The following DMD variants were observed in gnomAD, a reference collection of about 807,000 sequenced individuals.
DMD encodes mutant dystrophin.
DMD carries 63 observed loss-of-function variants against 330.1 expected under a neutral mutation model. That is an observed-to-expected ratio of 0.19 (90% CI 0.16 to 0.24). The LOEUF is 0.24. Ranked by LOEUF, DMD falls within the 10% of genes least tolerant of loss-of-function variation. The pLI is 1.00. For missense variants in DMD, 3,344 were observed against 2,684.1 expected (o/e 1.25, Z -5.43); for synonymous variants, 1,223 against 959.8 (o/e 1.27, Z -5.07).
intron 1 of DMD, among the ~76,000 whole-genome samples, chrX:33,309,930 T>A: frequency 9.0e-6 from 1 of 111,396 alleles, no homozygotes; most frequent in Non-Finnish European, 1.9e-5. Context: ...AGTATTGATT[T>A]ATTTTAGTCA....
chrX:31,663,859 T>G (rs2081270264), intron 53 of DMD, among the ~76,000 whole-genome samples: 1 of 111,882 alleles, frequency 8.9e-6, no homozygotes, highest in South Asian at 3.7e-4. Context: ...AGATATTCAC[T>G]CATTATCTCA....
intron 9 of DMD, among the ~76,000 whole-genome samples, chrX:32,666,827 C>CAAA (rs59974295): frequency 0.011 from 909 of 83,952 alleles, 13 homozygotes; most frequent in African/African-American, 0.037. Flanking sequence ...AATCTGTCTC[C>CAAA]AAAAAAAAAA....
At chrX:32,379,060 G>C (rs2097914843) in intron 34 of DMD, among the ~76,000 whole-genome samples, 1 of 108,154 alleles carries the variant, frequency 9.2e-6, no homozygotes, top group East Asian at 2.9e-4. Flanking sequence ...AAAAAGTTCT[G>C]TAATTCAGAT....
intron 32 of DMD, among the ~76,000 whole-genome samples, chrX:32,387,555 A>T (rs934404154): frequency 1.8e-5 from 2 of 111,327 alleles, no homozygotes; most frequent in African/African-American, 6.5e-5. Context: ...TGTCTAAAAA[A>T]AAGCATTTTG....
At chrX:32,661,910 A>AT (rs1279853319) in intron 9 of DMD, among the ~76,000 whole-genome samples, 2 of 111,614 alleles carry the variant, frequency 1.8e-5, no homozygotes, top group African/African-American at 6.5e-5. Flanking sequence ...TATTACTGGG[A>AT]TTTTGTTGGT....
At chrX:32,975,137 T>C (rs1329503352) in intron 2 of DMD, among the ~76,000 whole-genome samples, 1 of 110,665 alleles carries the variant, frequency 9.0e-6, no homozygotes. Flanking sequence ...ATTTTTTTTT[T>C]CTGAAAATTT....
intron 2 of DMD, among the ~76,000 whole-genome samples, chrX:32,875,591 G>A (rs2083312177): frequency 1.8e-5 from 2 of 112,139 alleles, no homozygotes; most frequent in South Asian, 7.4e-4. Context: ...GTGAGTGAAT[G>A]AATAAATAAA....
chrX:32,780,814 A>G (rs1464513509), intron 7 of DMD, among the ~76,000 whole-genome samples: 4 of 110,337 alleles, frequency 3.6e-5, no homozygotes, highest in Non-Finnish European at 7.6e-5. Flanking sequence ...TTCAAGAAAC[A>G]TTTGTTGTAC....
At chrX:32,386,166 G>A (rs1440510167) in intron 33 of DMD, 144 bp downstream of exon 33, 6 of 573,712 alleles carry the variant, frequency 1.0e-5, no homozygotes, top group Non-Finnish European at 1.5e-5. Flanking sequence ...GTATATGTGT[G>A]TATATATATA....
chrX:32,326,231 T>C (rs1020456631), intron 41 of DMD, among the ~76,000 whole-genome samples: 2 of 112,025 alleles, frequency 1.8e-5, no homozygotes, highest in African/African-American at 6.5e-5. Flanking sequence ...CATTCTATTC[T>C]TCTTTGAAAT....
At chrX:31,923,896 C>T (rs775900508) in intron 47 of DMD, among the ~76,000 whole-genome samples, 19 of 111,431 alleles carry the variant, frequency 1.7e-4, no homozygotes, top group South Asian at 3.7e-4. Flanking sequence ...ACACCCGGCC[C>T]GTTTTCTTAT....
chrX:31,527,853 C>T (rs1569549550), intron 55 of DMD, among the ~76,000 whole-genome samples: 3 of 111,592 alleles, frequency 2.7e-5, no homozygotes, highest in Admixed American at 9.5e-5. Context: ...AATCTGTCCT[C>T]GAAGCCAAGT....
At chrX:33,257,353 T>G (rs1215237719) in intron 1 of DMD, among the ~76,000 whole-genome samples, 4 of 110,895 alleles carry the variant, frequency 3.6e-5, no homozygotes, top group Non-Finnish European at 7.6e-5. Flanking sequence ...GTCACATGAG[T>G]CTTTTGCTGA....
intron 55 of DMD, among the ~76,000 whole-genome samples, chrX:31,568,678 C>T (rs1030489722): frequency 1.3e-4 from 14 of 111,466 alleles, no homozygotes; most frequent in Non-Finnish European, 5.7e-5. Flanking sequence ...TTTTAGACGG[C>T]ATATTGTGTG....
rs192808390 is a variant in DMD, at chrX:32,503,268, T to C, written c.2293-1426A>G. On this transcript the variant is annotated intron_variant, in intron 18 of 78. Coordinates refer to ENST00000357033, the MANE Select transcript of DMD (RefSeq NM_004006.3). Reference sequence around the variant, plus strand: ...CAGGCGTGGTGACAGGAGCCTGTAGTCCCAGCTACTCAGGAATCTGAGGCA... The same window carrying C: ...CAGGCGTGGTGACAGGAGCCTGTAGCCCCAGCTACTCAGGAATCTGAGGCA... Among the ~76,000 whole-genome samples, 9 of 111,441 alleles carry C rather than the reference T, an allele frequency of 8.1e-5. No individual in the cohort carries two copies. In the East Asian group the frequency reaches 2.6e-3, roughly 32 times the overall value.
At chrX:32,862,943 T>C (rs958826054) in intron 2 of DMD, among the ~76,000 whole-genome samples, 1 of 110,422 alleles carries the variant, frequency 9.1e-6, no homozygotes, top group African/African-American at 3.3e-5. Context: ...TTCACCTTGT[T>C]AGCCAGGCTG....
intron 63 of DMD, among the ~76,000 whole-genome samples, chrX:31,236,286 C>G (rs1245103249): frequency 8.9e-6 from 1 of 112,525 alleles, no homozygotes; most frequent in African/African-American, 3.2e-5. Flanking sequence ...AATATCAACT[C>G]CTCTGTGTTT....
At chrX:31,558,006 T>G (rs2074954362) in intron 55 of DMD, among the ~76,000 whole-genome samples, 1 of 111,854 alleles carries the variant, frequency 8.9e-6, no homozygotes, top group African/African-American at 3.2e-5. Context: ...AGAATTGGAA[T>G]GAGAGAGGCA....
chrX:32,861,823 GGCCAAAGAAATAA>G (rs748904746), intron 2 of DMD, among the ~76,000 whole-genome samples: 1 of 111,426 alleles, frequency 9.0e-6, no homozygotes, highest in Non-Finnish European at 1.9e-5. Context: ...TGGAGAGTAG[GGCCAAAGAAATAA>G]GCCAAAGACA....
Sources: gnomAD v4.1 joint callset for allele counts (sites outside exome capture counted in the v4.1 genomes callset) on GRCh38, gnomAD v4.1.1 for gene constraint, MANE v1.5 for transcripts, NCBI Gene and HGNC (gene_info 2026-07-23, HGNC 2026-07-21) for gene names.